The following ADAMTS9 variants were observed in gnomAD, a reference collection of about 807,000 sequenced individuals.
ADAMTS9 encodes ADAM metallopeptidase with thrombospondin type 1 motif 9.
Under a neutral mutation model 257.1 loss-of-function variants are expected in ADAMTS9, and 107 were observed. That is an observed-to-expected ratio of 0.42 (90% confidence interval 0.36 to 0.49). The LOEUF is 0.49. Among genes scored for constraint, ADAMTS9 ranks in the 20% least tolerant of loss-of-function variants. The pLI is 0.03. For synonymous variants in ADAMTS9, 982 were observed against 880.9 expected (o/e 1.11, Z -2.03); for missense variants, 2,353 against 2,469.1 (o/e 0.95, Z 1.00).
chr3:64,608,113 A>G (rs1375154392), intron 22 of ADAMTS9, among the ~76,000 whole-genome samples: 2 of 151,906 alleles, frequency 1.3e-5, no homozygotes, highest in African/African-American at 4.8e-5. Flanking sequence ...AAAATTTGTG[A>G]GATGCAATGA....
At chr3:64,625,817 C>T (rs1700210050) in intron 16 of ADAMTS9, among the ~76,000 whole-genome samples, 1 of 152,200 alleles carries the variant, frequency 6.6e-6, no homozygotes, top group Non-Finnish European at 1.5e-5. Context: ...ATAGTACAAC[C>T]TCCTTAGCAT....
At chr3:64,589,027 T>C (rs2106775672) in intron 28 of ADAMTS9, 1 of 152,354 alleles carries the variant, frequency 6.6e-6, no homozygotes, top group South Asian at 2.1e-4. Context: ...GCCAGCAATA[T>C]GTTTAAACAT....
intron 32 of ADAMTS9, among the ~76,000 whole-genome samples, chr3:64,543,500 G>A (rs1275257918): frequency 6.6e-6 from 1 of 152,146 alleles, no homozygotes; most frequent in African/African-American, 2.4e-5. Flanking sequence ...CATACGAACA[G>A]AACCAAACAC....
chr3:64,672,952 C>G (rs1200368387), intron 3 of ADAMTS9, among the ~76,000 whole-genome samples: 1 of 151,014 alleles, frequency 6.6e-6, no homozygotes, highest in African/African-American at 2.4e-5. Context: ...TACACAGATA[C>G]TTAACATCAC....
intron 11 of ADAMTS9, among the ~76,000 whole-genome samples, chr3:64,642,695 G>A (rs1440607006): frequency 6.6e-6 from 1 of 152,232 alleles, no homozygotes; most frequent in Non-Finnish European, 1.5e-5. Context: ...GCCATTGTTG[G>A]GGTGTGAAGC....
intron 11 of ADAMTS9, among the ~76,000 whole-genome samples, chr3:64,642,358 A>C (rs1700668310): frequency 6.6e-6 from 1 of 152,164 alleles, no homozygotes; most frequent in Admixed American, 6.5e-5. Flanking sequence ...TTGCATAGTG[A>C]ATTTCCATCA....
chr3:64,594,185 C>T lies in ADAMTS9; in HGVS notation c.4356+73G>A. On this transcript the variant is annotated intron_variant, in intron 28 of 39. Transcript: ENST00000498707. ...CCCTTGTAAGTGTGACAATTATCTG[C>T]CACAGAGGAGTGCCCCAGAATACCT... The T allele has an allele frequency of 2.7e-6, 4 of 1,479,678 alleles. No individual in the cohort carries two copies. The South Asian group carries it at 5.3e-5, about 20-fold the overall frequency. 91.7% of individuals were successfully genotyped at this position (1,479,678 alleles called of 1,614,324 possible). A position where few individuals can be genotyped will look rare whatever the true frequency, so the allele number is the denominator to read the frequency against.
chr3:64,581,932 C>T (rs1047562110), intron 28 of ADAMTS9, among the ~76,000 whole-genome samples: 2 of 152,156 alleles, frequency 1.3e-5, no homozygotes, highest in African/African-American at 2.4e-5. Flanking sequence ...CTTTGCCTTT[C>T]CTCTACCAAT....
At chr3:64,629,765 G>A (rs973832099) in intron 16 of ADAMTS9, among the ~76,000 whole-genome samples, 1 of 152,192 alleles carries the variant, frequency 6.6e-6, no homozygotes, top group African/African-American at 2.4e-5. Context: ...GCCTAGAACA[G>A]TGCCTGGCAC....
chr3:64,600,885 A>C (rs1295454648), intron 26 of ADAMTS9, among the ~76,000 whole-genome samples: 1 of 152,210 alleles, frequency 6.6e-6, no homozygotes, highest in Non-Finnish European at 1.5e-5. Flanking sequence ...AATTCTTTTT[A>C]GCCCAGAAAC....
chr3:64,632,855 C>T (rs1302498748), intron 14 of ADAMTS9, among the ~76,000 whole-genome samples: 1 of 148,330 alleles, frequency 6.7e-6, no homozygotes, highest in Non-Finnish European at 1.5e-5. Flanking sequence ...ACAAAAAAAA[C>T]AACCAGAGGC....
At chr3:64,593,610 C>G (rs2084300974) in intron 28 of ADAMTS9, among the ~76,000 whole-genome samples, 1 of 152,136 alleles carries the variant, frequency 6.6e-6, no homozygotes, top group Admixed American at 6.5e-5. Context: ...AAGCAGATAG[C>G]AAAGGAAGAC....
chr3:64,630,064 T>TC (rs59690974), intron 16 of ADAMTS9, among the ~76,000 whole-genome samples: 86,308 of 151,932 alleles, frequency 0.57, 27,157 homozygotes, highest in African/African-American at 0.85. Context: ...GAAAGTACAT[T>TC]ATTGCTTTTT....
rs758523457 is a variant in ADAMTS9 at position 64,642,014 on chromosome 3, AG to A, written c.1711-22del. ...CAGTGCTGTATTTAATAAGGGGAAT[AG>A]TGAGGGAGACTTGGCGCTGTGAGTT... On this transcript the variant is annotated intron_variant, in intron 11 of 39. Transcript: ENST00000498707. 2.5e-6 allele frequency: 4 copies of A among 1,613,420 alleles called. No homozygotes were observed. In the South Asian group the frequency reaches 3.3e-5, roughly 13 times the overall value.
chr3:64,615,229 A>G (rs2084739140), intron 21 of ADAMTS9, 92 bp downstream of exon 21: 1 of 1,398,138 alleles, frequency 7.2e-7, no homozygotes, highest in South Asian at 1.4e-5. Context: ...GGTGGGAGAA[A>G]GGTGCACAAG....
chr3:64,672,166 G>T (rs1001783093), intron 3 of ADAMTS9, among the ~76,000 whole-genome samples: 6 of 152,204 alleles, frequency 3.9e-5, no homozygotes, highest in African/African-American at 1.4e-4. Flanking sequence ...AAAGAAAGAT[G>T]TGCGTCTTAG....
intron 27 of ADAMTS9, among the ~76,000 whole-genome samples, chr3:64,594,931 C>T (rs958705214): frequency 4.1e-5 from 6 of 148,096 alleles, no homozygotes; most frequent in South Asian, 2.2e-4. Context: ...GGACTACAGG[C>T]GTGTGCCATC....
At chr3:64,675,070 G>T (rs1273756227) in intron 3 of ADAMTS9, among the ~76,000 whole-genome samples, 1 of 152,064 alleles carries the variant, frequency 6.6e-6, no homozygotes, top group Non-Finnish European at 1.5e-5. Context: ...ATTCATATAT[G>T]AATGCAGTCA....
Position 64,549,855 on chromosome 3 carries a change from A to G in ADAMTS9, c.4869+1037T>C, listed in dbSNP as rs113055863. On this transcript the variant is annotated intron_variant, in intron 31 of 39. Coordinates refer to ENST00000498707, the MANE Select transcript of ADAMTS9 (RefSeq NM_182920.2). ...TAAAGGATAGGGCGAGATAATTAGA[A>G]AAGACTTTGGGATCAGCTTTAGTGC... 4.5e-3 allele frequency among the ~76,000 whole-genome samples: 681 copies of G among 152,314 alleles called. 1 individual carries two copies. Among genetic ancestry groups the G allele is most frequent in the African/African-American group, 0.015 (634 of 41,576 alleles).
Sources: allele counts gnomAD v4.1 joint callset (sites outside exome capture counted in the v4.1 genomes callset), GRCh38; gene constraint gnomAD v4.1.1; transcripts MANE v1.5; gene names NCBI Gene and HGNC (gene_info 2026-07-23, HGNC 2026-07-21).